The following KCNQ5 variants were observed in gnomAD, a reference collection of about 807,000 sequenced individuals.
KCNQ5 encodes potassium voltage-gated channel subfamily KQT member 5.
Under a neutral mutation model 98.2 loss-of-function variants are expected in KCNQ5, and 30 were observed. The ratio of observed to expected loss-of-function variants is 0.31; its 90% CI spans 0.23 to 0.41. The LOEUF (loss-of-function observed/expected upper bound fraction) is 0.41, where lower values mean the gene tolerates loss of function less well. Ranked by LOEUF, KCNQ5 falls within the 10% of genes least tolerant of loss-of-function variation. KCNQ5 has a pLI of 1.00. For synonymous variants in KCNQ5, 458 were observed against 449.4 expected, an observed-to-expected ratio of 1.02 and a Z score of -0.24; for missense variants, 835 against 1,182.5, an observed-to-expected ratio of 0.71 and a Z score of 4.31.
intron 1 of KCNQ5, among the ~76,000 whole-genome samples, chr6:72,643,346 C>T (rs763599723): frequency 9.9e-5 from 15 of 152,010 alleles, no homozygotes; most frequent in Non-Finnish European, 2.1e-4. Flanking sequence ...TTAAAGGCAC[C>T]CTGCAGTTAT....
chr6:73,138,917 T>C (rs969273977), intron 10 of KCNQ5, among the ~76,000 whole-genome samples: 5 of 152,230 alleles, frequency 3.3e-5, no homozygotes, highest in South Asian at 2.1e-4. Context: ...TTAGGATGCA[T>C]TTAGCAGCAG....
chr6:73,006,237 G>A (rs1230470330), intron 2 of KCNQ5, among the ~76,000 whole-genome samples: 2 of 152,022 alleles, frequency 1.3e-5, no homozygotes. Context: ...CAAAGTCACA[G>A]AACTCATAGA....
intron 11 of KCNQ5, among the ~76,000 whole-genome samples, chr6:73,188,028 G>A (rs1765446752): frequency 1.3e-5 from 2 of 152,154 alleles, no homozygotes; most frequent in Admixed American, 1.3e-4. Flanking sequence ...CCACAAATGT[G>A]TGAGCTACAG....
At chr6:73,159,160 G>A (rs144740001) in intron 10 of KCNQ5, among the ~76,000 whole-genome samples, 315 of 152,322 alleles carry the variant, frequency 2.1e-3, no homozygotes, top group African/African-American at 7.3e-3. Context: ...TGGATACTAT[G>A]CAGTCATAAA....
chr6:72,933,695 C>T (rs74712060), intron 1 of KCNQ5, among the ~76,000 whole-genome samples: 1 of 152,110 alleles, frequency 6.6e-6, no homozygotes, highest in African/African-American at 2.4e-5. Context: ...ATGTATAAAT[C>T]AATTGCATTT....
chr6:72,854,877 C>T (rs184585994), intron 1 of KCNQ5, among the ~76,000 whole-genome samples: 1 of 151,436 alleles, frequency 6.6e-6, no homozygotes, highest in East Asian at 2.0e-4. Flanking sequence ...AATTACATAG[C>T]CTTGTGGAAG....
chr6:72,812,037 A>G (rs1416688314), intron 1 of KCNQ5, among the ~76,000 whole-genome samples: 1 of 152,168 alleles, frequency 6.6e-6, no homozygotes, highest in African/African-American at 2.4e-5. Flanking sequence ...TGACGTTGCC[A>G]TGGTATTTGT....
chr6:72,908,907 C>T (rs1483584709), intron 1 of KCNQ5, among the ~76,000 whole-genome samples: 1 of 152,070 alleles, frequency 6.6e-6, no homozygotes, highest in Non-Finnish European at 1.5e-5. Context: ...GAATATGCCA[C>T]CTGTGCTTTA....
chr6:72,841,690 T>C (rs1391505420), intron 1 of KCNQ5, among the ~76,000 whole-genome samples: 1 of 152,158 alleles, frequency 6.6e-6, no homozygotes, highest in East Asian at 1.9e-4. Context: ...TATTCCTATA[T>C]ATATTCCTTA....
intron 1 of KCNQ5, among the ~76,000 whole-genome samples, chr6:72,945,428 G>T (rs377381863): frequency 6.8e-5 from 7 of 103,044 alleles, no homozygotes; most frequent in African/African-American, 2.9e-4. Flanking sequence ...GACAGGCCCC[G>T]GTGTGTGATG....
intron 11 of KCNQ5, among the ~76,000 whole-genome samples, chr6:73,189,994 T>TAA (rs1461450197): frequency 8.7e-6 from 1 of 115,144 alleles, no homozygotes; most frequent in Non-Finnish European, 1.8e-5. Context: ...AGACCTCATC[T>TAA]CAAAAAAAAA....
intron 1 of KCNQ5, among the ~76,000 whole-genome samples, chr6:72,731,654 T>G (rs1770558723): frequency 6.6e-6 from 1 of 152,184 alleles, no homozygotes; most frequent in South Asian, 2.1e-4. Flanking sequence ...AGGAAAAATG[T>G]GTGTACCTTC....
chr6:73,044,272 C>A (rs1395281396), intron 3 of KCNQ5, among the ~76,000 whole-genome samples: 1 of 152,138 alleles, frequency 6.6e-6, no homozygotes, highest in African/African-American at 2.4e-5. Context: ...AAGAGTAAGA[C>A]CCTGTCTCAA....
chr6:72,639,942 T>C (rs1346667849), intron 1 of KCNQ5, among the ~76,000 whole-genome samples: 2 of 151,812 alleles, frequency 1.3e-5, no homozygotes, highest in Non-Finnish European at 2.9e-5. Flanking sequence ...TAAATAAAAG[T>C]TTAGGTTGGT....
intron 1 of KCNQ5, among the ~76,000 whole-genome samples, chr6:72,889,921 T>G (rs1017673319): frequency 3.9e-5 from 6 of 152,182 alleles, no homozygotes; most frequent in African/African-American, 1.2e-4. Context: ...CAGCCCTATA[T>G]GCAGAAACCT....
chr6:72,870,334 G>A (rs1294116357), intron 1 of KCNQ5, among the ~76,000 whole-genome samples: 5 of 152,102 alleles, frequency 3.3e-5, no homozygotes, highest in African/African-American at 1.2e-4. Flanking sequence ...GAGTGCAGTG[G>A]CATGATCTGC....
Position 72,817,944 on chromosome 6 carries a change from AACTG to A in KCNQ5, c.399-185962_399-185959del, listed in dbSNP as rs1250629012. Among the ~76,000 whole-genome samples, 5 of 152,120 alleles carry A rather than the reference AACTG, an allele frequency of 3.3e-5. No individual in the cohort carries two copies. In the East Asian group the frequency reaches 9.6e-4, roughly 29 times the overall value. On this transcript the variant is annotated intron_variant, in intron 1 of 13. Transcript: ENST00000370398. ...CCCACACAAAAAAAAGAAAAAAAGA[AACTG>A]AGGACCAAGGTGTCCAAGAGCCCCA...
At position 72,815,397 on chromosome 6, in the gene KCNQ5, A is replaced by G. The variant is rs1326139905; in HGVS notation, c.399-188511A>G. 2.0e-5 allele frequency among the ~76,000 whole-genome samples: 3 copies of G among 152,336 alleles called. No individual in the cohort carries two copies. The East Asian group carries it at 5.8e-4, about 29-fold the overall frequency. On this transcript the variant is annotated intron_variant, in intron 1 of 13. Coordinates refer to ENST00000370398, the MANE Select transcript of KCNQ5 (RefSeq NM_019842.4). Reference sequence around the variant, plus strand: ...GATGAAGGAAAGATGTGGAAGACCAAGCACTTGACTGGGTCTTCCAAGATG... The same window carrying G: ...GATGAAGGAAAGATGTGGAAGACCAGGCACTTGACTGGGTCTTCCAAGATG...
chr6:73,107,255 T>C (rs1775041261), intron 6 of KCNQ5, among the ~76,000 whole-genome samples: 1 of 152,250 alleles, frequency 6.6e-6, no homozygotes, highest in Non-Finnish European at 1.5e-5. Context: ...GACAACAGGC[T>C]ATGTTCTGTC....
Sources: gnomAD v4.1 joint callset for allele counts (sites outside exome capture counted in the v4.1 genomes callset) on GRCh38, gnomAD v4.1.1 for gene constraint, MANE v1.5 for transcripts, NCBI Gene and HGNC (gene_info 2026-07-23, HGNC 2026-07-21) for gene names.